Variants in HADHA observed in about 807,000 individuals in gnomAD.
HADHA encodes the protein hydroxyacyl-CoA dehydrogenase trifunctional multienzyme complex subunit alpha.
Under a neutral mutation model 91.3 loss-of-function variants are expected in HADHA, and 59 were observed. The observed-to-expected ratio is 0.65, with a 90% CI of 0.52 to 0.80. The LOEUF (loss-of-function observed/expected upper bound fraction) is 0.80, where lower values mean the gene tolerates loss of function less well. Ranked by LOEUF, HADHA falls within the 30% of genes least tolerant of loss-of-function variation. HADHA has a pLI of 0.00. For synonymous variants in HADHA, 320 were observed against 338.9 expected, an observed-to-expected ratio of 0.94 and a Z score of 0.61; for missense variants, 800 against 927.6, an observed-to-expected ratio of 0.86 and a Z score of 1.79.
intron 11 of HADHA, among the ~76,000 whole-genome samples, chr2:26,207,248 C>T (rs1347054020): frequency 6.7e-6 from 1 of 148,898 alleles, no homozygotes; most frequent in East Asian, 2.0e-4. Flanking sequence ...CCCATAAACA[C>T]AAAAGAGTAT....
chr2:26,241,610 C>CATTG (rs1405232434), intron 1 of HADHA, among the ~76,000 whole-genome samples: 2 of 151,820 alleles, frequency 1.3e-5, no homozygotes, highest in African/African-American at 4.8e-5. Context: ...AAGAGCGCAC[C>CATTG]ATTGCACTCC....
At chr2:26,215,717 G>T (rs1670200643) in intron 7 of HADHA, among the ~76,000 whole-genome samples, 1 of 152,142 alleles carries the variant, frequency 6.6e-6, no homozygotes, top group South Asian at 2.1e-4. Context: ...AGAGTTTTTG[G>T]TGGTCATGTA....
At chr2:26,209,053 G>C (rs913777305) in intron 11 of HADHA, among the ~76,000 whole-genome samples, 1 of 152,104 alleles carries the variant, frequency 6.6e-6, no homozygotes, top group African/African-American at 2.4e-5. Flanking sequence ...CTGACATTTC[G>C]AACTGGATAT....
rs1380122657 is a variant in HADHA at position 26,229,515 on chromosome 2, GC to G, written c.676+676del. Reference sequence around the variant, plus strand: ...CAAAGAAACTGAATGGGAGGAAGTAGCCCATCAGTAGATATCAATTATTGTT... The same window carrying G: ...CAAAGAAACTGAATGGGAGGAAGTAGCCATCAGTAGATATCAATTATTGTT... On this transcript the variant is annotated intron_variant, in intron 7 of 19. Transcript: ENST00000380649. This position sits in a 1 kb window ranked among gnomAD's most constrained non-coding sequence, Gnocchi z 4.3. 6.6e-6 allele frequency among the ~76,000 whole-genome samples: 1 copy of G among 152,110 alleles called. No individual in the cohort carries two copies. The highest frequency in any genetic ancestry group is 1.5e-5 in the Non-Finnish European group (1 of 68,022).
In HADHA at chr2:26,194,570, C is replaced by T; in HGVS notation, c.1689G>A (p.Gln563=). The T allele has an allele frequency of 5.0e-6, 8 of 1,596,028 alleles. No homozygotes were observed. The highest frequency in any genetic ancestry group is 6.9e-6 in the Non-Finnish European group (8 of 1,163,540). The change falls in exon 16 of 20, where the codon CAG becomes CAA. Residue 563 remains glutamine (Q), a splice_region_variant and synonymous_variant. Coordinates refer to ENST00000380649, the MANE Select transcript of HADHA (RefSeq NM_000182.5). ...AAACACTCTGGAGAGCAATACCAAC[C>T]TGGAGGATTCGGATGACTTCAGACA... ...PMMSEVIRIL[Q]EGVDPKKLDS...
chr2:26,213,005 T>C (rs947585647), intron 9 of HADHA, among the ~76,000 whole-genome samples: 2 of 152,174 alleles, frequency 1.3e-5, no homozygotes, highest in African/African-American at 4.8e-5. Context: ...AAATTCAATG[T>C]AACATTTGGG....
chr2:26,207,166 C>G (rs562613575), intron 11 of HADHA, among the ~76,000 whole-genome samples: 1 of 152,222 alleles, frequency 6.6e-6, no homozygotes, highest in South Asian at 2.1e-4. Flanking sequence ...CCATCGCACT[C>G]CAGCCGGGGT....
intron 16 of HADHA, 76 bp from the exon 17 acceptor site, chr2:26,193,848 C>A: frequency 8.8e-7 from 1 of 1,136,178 alleles, no homozygotes; most frequent in Non-Finnish European, 1.3e-6. Context: ...GTACTGGCTC[C>A]AAACACTGCC....
chr2:26,215,343 C>A (rs1670190138), intron 7 of HADHA, among the ~76,000 whole-genome samples, 168 bp from the exon 8 acceptor site: 1 of 152,148 alleles, frequency 6.6e-6, no homozygotes, highest in Non-Finnish European at 1.5e-5. Flanking sequence ...AGGGAAATCA[C>A]AATGAATAGA....
chr2:26,228,640 G>A (rs182559835), intron 7 of HADHA, among the ~76,000 whole-genome samples: 12 of 152,182 alleles, frequency 7.9e-5, no homozygotes, highest in Admixed American at 4.6e-4. Context: ...CTAAGTGAAC[G>A]AAGATTAAAA....
intron 3 of HADHA, 47 bp from the exon 4 acceptor site, chr2:26,237,035 T>C: frequency 7.6e-7 from 1 of 1,317,428 alleles, no homozygotes; most frequent in South Asian, 1.2e-5. Flanking sequence ...TTTGAAGCAC[T>C]GGATGTACGT....
chr2:26,208,254 T>C (rs914036575), intron 11 of HADHA, among the ~76,000 whole-genome samples: 2 of 152,168 alleles, frequency 1.3e-5, no homozygotes, highest in African/African-American at 4.8e-5. Context: ...AGAATTTTCA[T>C]AAACTTCAGT....
At chr2:26,212,750 A>C in intron 9 of HADHA, 124 bp from the exon 10 acceptor site, 3 of 755,234 alleles carry the variant, frequency 4.0e-6, no homozygotes, top group Non-Finnish European at 7.3e-6. Flanking sequence ...GACTGGAATG[A>C]GAAAGAGAAG....
intron 13 of HADHA, among the ~76,000 whole-genome samples, chr2:26,199,018 C>G (rs1669758345): frequency 1.3e-5 from 2 of 152,076 alleles, no homozygotes; most frequent in African/African-American, 4.8e-5. Flanking sequence ...CCTCAGCCTC[C>G]CGAGTAGCTG....
chr2:26,198,380 GT>G (rs1340311979), intron 13 of HADHA, among the ~76,000 whole-genome samples: 18 of 117,414 alleles, frequency 1.5e-4, no homozygotes, highest in South Asian at 2.8e-4. Flanking sequence ...TTTTTTTTTT[GT>G]TTTTTTTTTT....
intron 13 of HADHA, among the ~76,000 whole-genome samples, chr2:26,198,160 C>T (rs987318137): frequency 6.6e-6 from 1 of 152,066 alleles, no homozygotes; most frequent in Non-Finnish European, 1.5e-5. Flanking sequence ...TTGGATCTGC[C>T]CTGAATCACT....
Position 26,221,521 on chromosome 2 carries a change from C to G in HADHA, c.677-6346G>C, listed in dbSNP as rs906441951. Among the ~76,000 whole-genome samples the G allele has an allele frequency of 6.6e-6, 1 of 152,082 alleles. No individual in the cohort carries two copies. Among genetic ancestry groups the G allele is most frequent in the Non-Finnish European group, 1.5e-5 (1 of 68,026 alleles). Reference sequence around the variant, plus strand: ...CTACTAAGCCATAAAGTGGGGTGTACACGGTAGCACTCCATTATCAAATGG... The same window carrying G: ...CTACTAAGCCATAAAGTGGGGTGTAGACGGTAGCACTCCATTATCAAATGG... On this transcript the variant is annotated intron_variant, in intron 7 of 19. Transcript: ENST00000380649. This position sits in a 1 kb window ranked among gnomAD's most constrained non-coding sequence, Gnocchi z 4.8.
rs888168589 is a variant in HADHA at position 26,197,897 on chromosome 2, C to T, written c.1393-120G>A. ...ACTCTGTCCCCCACAACTGCTCAGACAGTAGATGTCACTCACCCAGACATT... is the reference window on the plus strand; with the variant it reads ...ACTCTGTCCCCCACAACTGCTCAGATAGTAGATGTCACTCACCCAGACATT... On this transcript the variant is annotated intron_variant, in intron 13 of 19. Coordinates refer to ENST00000380649, the MANE Select transcript of HADHA (RefSeq NM_000182.5). 48 of 729,852 alleles carry T rather than the reference C, an allele frequency of 6.6e-5. No homozygotes were observed. In the African/African-American group the frequency reaches 7.4e-4, roughly 11 times the overall value. The allele number at this position is 729,852 out of a possible 1,614,324, so 45.2% of individuals were successfully genotyped here.
intron 14 of HADHA, 47 bp from the exon 15 acceptor site, chr2:26,195,279 G>C: frequency 1.3e-6 from 2 of 1,522,444 alleles, no homozygotes; most frequent in Non-Finnish European, 1.8e-6. Flanking sequence ...TGCGGGTGAG[G>C]AACCTGAGAG....
Sources: gnomAD v4.1 joint callset for allele counts (sites outside exome capture counted in the v4.1 genomes callset) on GRCh38, gnomAD v4.1.1 for gene constraint, Gnocchi (gnomAD v3.1) non-coding constraint, MANE v1.5 for transcripts, NCBI Gene and HGNC (gene_info 2026-07-23, HGNC 2026-07-21) for gene names.